SEMA7A: variants seen among roughly 807,000 people sequenced by gnomAD.
SEMA7A encodes semaphorin 7A (JohnMiltonHagen blood group).
SEMA7A carries 21 observed loss-of-function variants against 67.5 expected under a neutral mutation model. The ratio of observed to expected loss-of-function variants is 0.31; its 90% CI spans 0.22 to 0.45. SEMA7A has a LOEUF of 0.45. Among genes scored for constraint, SEMA7A ranks in the 20% least tolerant of loss-of-function variants. The pLI, the probability that SEMA7A is intolerant of heterozygous loss-of-function variation, is 1.00. For missense variants in SEMA7A, 774 were observed against 908.6 expected (o/e 0.85, Z 1.90); for synonymous variants, 364 against 368.5 (o/e 0.99, Z 0.14).
chr15:74,421,068 G>C (rs1463799311), intron 1 of SEMA7A, among the ~76,000 whole-genome samples: 2 of 152,256 alleles, frequency 1.3e-5, no homozygotes, highest in African/African-American at 4.8e-5. Flanking sequence ...CACCAGACAG[G>C]ACTCTGGGTG....
At chr15:74,427,599 G>A (rs2061053820) in intron 1 of SEMA7A, among the ~76,000 whole-genome samples, 1 of 152,176 alleles carries the variant, frequency 6.6e-6, no homozygotes, top group Non-Finnish European at 1.5e-5. Context: ...CCAAAGTGCT[G>A]GGATTACAGG....
chr15:74,419,019 C>T (rs2060977382), intron 1 of SEMA7A, 67 bp from the exon 2 acceptor site: 1 of 1,544,510 alleles, frequency 6.5e-7, no homozygotes, highest in Non-Finnish European at 8.8e-7. Flanking sequence ...TGGGTCCCCT[C>T]CACATGGCAC....
At chr15:74,425,992 G>A (rs549636089) in intron 1 of SEMA7A, among the ~76,000 whole-genome samples, 4 of 152,324 alleles carry the variant, frequency 2.6e-5, no homozygotes, top group African/African-American at 9.6e-5. Context: ...CCCCATGGAG[G>A]CCAGGCACAG....
Position 74,415,899 on chromosome 15 carries a change from G to C in SEMA7A, c.888C>G (p.Thr296=). Residue 296 remains threonine (T), a synonymous_variant, in exon 8 of 14, where the codon ACC becomes ACG. Transcript: ENST00000261918. ...CTTGCAGCCTGTTGAAGTTCTTGTT[G>C]GTGGCAGCATCACTGCATACCAGCA... The part of the protein sequence containing the change: ...KAMLVCSDAA[T]NKNFNRLQDV... The C allele has an allele frequency of 6.2e-7, 1 of 1,614,158 alleles. No homozygotes were observed. The highest frequency in any genetic ancestry group is 8.5e-7 in the Non-Finnish European group (1 of 1,179,990).
At chr15:74,418,359 C>A (rs1392007415) in intron 2 of SEMA7A, 50 bp from the exon 3 acceptor site, 3 of 1,579,210 alleles carry the variant, frequency 1.9e-6, no homozygotes, top group Non-Finnish European at 2.6e-6. Flanking sequence ...GTGAGGTACC[C>A]CTGAAATGCT....
chr15:74,418,384 A>C, intron 2 of SEMA7A, 75 bp from the exon 3 acceptor site: 1 of 1,434,662 alleles, frequency 7.0e-7, no homozygotes, highest in South Asian at 1.2e-5. Flanking sequence ...ACACAGCCTC[A>C]GGATAAGCCC....
At position 74,411,392 on chromosome 15, in the gene SEMA7A, C is replaced by T. The variant is rs1036371830; in HGVS notation, c.1578-36G>A. On this transcript the variant is annotated intron_variant, in intron 12 of 13. Transcript: ENST00000261918. The surrounding 1 kb of genome is among the most constrained non-coding windows in gnomAD (Gnocchi z 4.4). ...AAGGACGAAAGAGGATCAGCAGATA[C>T]AAGGCTGCAGACCTGACCCTCCTAT... The T allele has an allele frequency of 1.9e-6, 3 of 1,609,156 alleles. No homozygotes were observed. The highest frequency in any genetic ancestry group is 3.4e-5 in the Admixed American group (2 of 59,688).
chr15:74,415,175 T>A (rs566113799), intron 8 of SEMA7A, among the ~76,000 whole-genome samples: 6 of 152,312 alleles, frequency 3.9e-5, no homozygotes, highest in Admixed American at 2.0e-4. Flanking sequence ...CCATCTGCTC[T>A]ACCCAACCCC....
rs1355018154 is a variant in SEMA7A, at chr15:74,414,384, G to A, written c.1294+163C>T. Among the ~76,000 whole-genome samples the A allele has an allele frequency of 6.6e-6, 1 of 152,040 alleles. No individual in the cohort carries two copies. The highest frequency in any genetic ancestry group is 2.4e-5 in the African/African-American group (1 of 41,378). ...CTACCTCCTCCAGGAAGCTCTCCCT[G>A]CCTGACTCTTCCACACCCACACACA... On this transcript the variant is annotated intron_variant, in intron 10 of 13. Transcript: ENST00000261918. The surrounding 1 kb of genome is among the most constrained non-coding windows in gnomAD (Gnocchi z 4.1).
chr15:74,424,789 G>A (rs868261738), intron 1 of SEMA7A, among the ~76,000 whole-genome samples: 27 of 152,332 alleles, frequency 1.8e-4, no homozygotes, highest in African/African-American at 5.8e-4. Flanking sequence ...AGGGAAGGCC[G>A]GAAGCCCAGG....
chr15:74,433,351 G>A (rs912810804), intron 1 of SEMA7A, among the ~76,000 whole-genome samples: 2 of 151,974 alleles, frequency 1.3e-5, no homozygotes, highest in East Asian at 2.0e-4. Flanking sequence ...CAAAAGGAGG[G>A]TACCCGGGTT....
At chr15:74,420,600 C>G (rs762950204) in intron 1 of SEMA7A, among the ~76,000 whole-genome samples, 14 of 152,166 alleles carry the variant, frequency 9.2e-5, no homozygotes, top group Non-Finnish European at 1.9e-4. Context: ...GAGGTACTGG[C>G]ACTTCGGTGG....
rs1433464529 is a variant in SEMA7A at position 74,414,704 on chromosome 15, C to G, written c.1137G>C (p.Gln379His). ...DQQPIPTETF[Q>H]VADRHPEVAQ... is the part of the protein sequence containing the mutation. ...CCACCTCTGGGTGACGGTCAGCCAC[C>G]TGGAAGGTCTCTGTGGGTATCGGCT... The change falls in exon 10 of 14, where the codon CAG becomes CAC. Residue 379 changes from glutamine (Q) to histidine (H), a missense_variant. Physicochemically the swap from Gln to His is conservative, Grantham distance 24. Around this residue, in one of 2 missense-constraint regions of SEMA7A, gnomAD observed 427 missense variants for 555.4 expected, o/e 0.77. Transcript: ENST00000261918. This position sits in a 1 kb window ranked among gnomAD's most constrained non-coding sequence, Gnocchi z 4.1. The G allele has an allele frequency of 6.2e-7, 1 of 1,614,194 alleles. No homozygotes were observed. Among genetic ancestry groups the G allele is most frequent in the Non-Finnish European group, 8.5e-7 (1 of 1,180,042 alleles).
chr15:74,429,437 C>T (rs2061069379), intron 1 of SEMA7A, among the ~76,000 whole-genome samples: 1 of 152,228 alleles, frequency 6.6e-6, no homozygotes, highest in Non-Finnish European at 1.5e-5. Context: ...CCTGCCACCT[C>T]CATGCTCCTT....
chr15:74,429,098 C>A (rs764221087), intron 1 of SEMA7A, among the ~76,000 whole-genome samples: 1 of 152,096 alleles, frequency 6.6e-6, no homozygotes, highest in Non-Finnish European at 1.5e-5. Flanking sequence ...CCAACCATGG[C>A]GAAGGAAGGC....
chr15:74,428,579 T>A (rs915613260), intron 1 of SEMA7A, among the ~76,000 whole-genome samples: 2 of 152,184 alleles, frequency 1.3e-5, no homozygotes, highest in Non-Finnish European at 2.9e-5. Flanking sequence ...AGCAGCCTCC[T>A]TTCTGGGCAG....
intron 10 of SEMA7A, among the ~76,000 whole-genome samples, chr15:74,413,013 T>G (rs2060915434): frequency 6.6e-6 from 1 of 151,988 alleles, no homozygotes; most frequent in Non-Finnish European, 1.5e-5. Context: ...GTTTCTAGAA[T>G]AGCCTACCTC....
intron 1 of SEMA7A, among the ~76,000 whole-genome samples, chr15:74,421,012 G>C (rs11854025): frequency 6.6e-6 from 1 of 152,134 alleles, no homozygotes. Context: ...CCAGGTCTCC[G>C]AGGGGGCCGG....
At chr15:74,432,407 G>A (rs2061096343) in intron 1 of SEMA7A, among the ~76,000 whole-genome samples, 1 of 152,004 alleles carries the variant, frequency 6.6e-6, no homozygotes, top group South Asian at 2.1e-4. Flanking sequence ...AGCCGAGCTG[G>A]TCCCCAGAGC....
Sources: gnomAD v4.1 joint callset for allele counts (sites outside exome capture counted in the v4.1 genomes callset) on GRCh38, gnomAD v4.1.1 for gene constraint, gnomAD v4.1.1 regional missense constraint, Gnocchi (gnomAD v3.1) non-coding constraint, MANE v1.5 for transcripts, NCBI Gene and HGNC (gene_info 2026-07-23, HGNC 2026-07-21) for gene names.